Variants in SERPINB8 observed in about 807,000 individuals in gnomAD.
SERPINB8 encodes the protein serpin family B member 8, also known as serpin B8.
SERPINB8 carries 25 observed loss-of-function variants against 35.3 expected under a neutral mutation model. That is an observed-to-expected ratio of 0.71 (90% CI 0.52 to 0.99). The LOEUF (loss-of-function observed/expected upper bound fraction) is 0.99, where lower values mean the gene tolerates loss of function less well. SERPINB8 is among the 50% of genes least tolerant of loss of function. The probability of loss-of-function intolerance (pLI) is 0.00; values close to 1 mark genes in which losing one functional copy is unlikely to be tolerated. For synonymous variants in SERPINB8, 186 were observed against 160.8 expected, an observed-to-expected ratio of 1.16 and a Z score of -1.19; for missense variants, 484 against 446.5, an observed-to-expected ratio of 1.08 and a Z score of -0.76.
chr18:63,985,870 C>T (rs928401092), intron 6 of SERPINB8, among the ~76,000 whole-genome samples: 2 of 152,132 alleles, frequency 1.3e-5, no homozygotes, highest in African/African-American at 4.8e-5. Flanking sequence ...ACTTGTAAAC[C>T]AGCTCTGGGA....
At chr18:63,991,819 A>T (rs997495400), downstream of SERPINB8, among the ~76,000 whole-genome samples, 7 of 152,200 alleles carry the variant, frequency 4.6e-5, no homozygotes, top group Non-Finnish European at 1.0e-4. Flanking sequence ...GTGCCCTTTA[A>T]CAGGTGAAGA....
intron 1 of SERPINB8, among the ~76,000 whole-genome samples, chr18:64,004,110 A>C (rs1457686008): frequency 1.3e-5 from 2 of 151,870 alleles, no homozygotes; most frequent in South Asian, 2.1e-4. Context: ...TTTAAAGGAA[A>C]AATTTTATGG....
chr18:64,013,346 C>T (rs560754787), intron 7 of SERPINB8, among the ~76,000 whole-genome samples: 14 of 152,160 alleles, frequency 9.2e-5, no homozygotes, highest in Non-Finnish European at 2.1e-4. Flanking sequence ...AACCCAAAAC[C>T]TTCCAGCTAC....
chr18:64,014,478 A>G lies in SERPINB8; in HGVS notation c.*3-4432A>G, dbSNP rs115530110. 2.3e-3 allele frequency among the ~76,000 whole-genome samples: 352 copies of G among 152,246 alleles called. 3 individuals are homozygous for G. Among genetic ancestry groups the G allele is most frequent in the African/African-American group, 8.0e-3 (333 of 41,542 alleles). ...TGGGAGAGAATTCTAGATGGATGAA[A>G]GGGCCCTGGGAATGGCTGGGAACGC... On this transcript the variant is annotated intron_variant, in intron 7 of 7. Transcript: ENST00000636430.
At chr18:64,001,522 C>A (rs1408341323) in intron 1 of SERPINB8, among the ~76,000 whole-genome samples, 1 of 144,152 alleles carries the variant, frequency 6.9e-6, no homozygotes, top group Non-Finnish European at 1.5e-5. Context: ...CAGAGTTCTG[C>A]TCTTGTTGCC....
chr18:63,975,310 T>TATTC (rs1424649226), intron 1 of SERPINB8, among the ~76,000 whole-genome samples: 1 of 152,172 alleles, frequency 6.6e-6, no homozygotes, highest in Non-Finnish European at 1.5e-5. Flanking sequence ...GAAGTCTGAA[T>TATTC]ATTCCTTCCT....
Position 63,987,300 on chromosome 18 carries a change from A to AC in SERPINB8, c.*25dup. On this transcript the variant is annotated 3_prime_UTR_variant, in exon 7 of 7. Coordinates refer to ENST00000397985, the MANE Select transcript of SERPINB8 (RefSeq NM_002640.4). ...GTAAAGAGGAGCAATTGCTGTACAT[A>AC]CCCTCCTTTCCTTCTACCTATCTTG... 1 of 1,584,924 alleles carries AC rather than the reference A, an allele frequency of 6.3e-7. No homozygotes were observed. Among genetic ancestry groups the AC allele is most frequent in the Non-Finnish European group, 8.6e-7 (1 of 1,164,522 alleles).
At position 63,987,093 on chromosome 18, in the gene SERPINB8, G is replaced by A; in HGVS notation, c.940G>A (p.Ala314Thr). 5.0e-6 allele frequency: 8 copies of A among 1,614,182 alleles called. No individual in the cohort carries two copies. Among genetic ancestry groups the A allele is most frequent in the South Asian group, 1.1e-5 (1 of 91,084 alleles). The change falls in exon 7 of 7, where the codon GCC becomes ACC. Residue 314 changes from alanine to threonine, a missense_variant. Transcript: ENST00000397985. The part of the protein sequence containing the change: ...TEKNVPLSKV[A>T]HKCFVEVNEE... ...GAAGAATGTGCCTCTGTCCAAGGTT[G>A]CCCACAAGTGCTTCGTGGAGGTCAA...
intron 1 of SERPINB8, among the ~76,000 whole-genome samples, chr18:63,972,003 T>TG (rs1173109830): frequency 6.6e-6 from 1 of 152,044 alleles, no homozygotes; most frequent in Non-Finnish European, 1.5e-5. Context: ...TTTTTCTTTT[T>TG]TTTTTTGATA....
At chr18:63,984,420 C>T (rs1336919667) in intron 5 of SERPINB8, among the ~76,000 whole-genome samples, 1 of 152,098 alleles carries the variant, frequency 6.6e-6, no homozygotes, top group Non-Finnish European at 1.5e-5. Flanking sequence ...CAAAGTTATA[C>T]AATCCTGAGC....
In SERPINB8 at chr18:63,994,754, A is replaced by G. The variant is rs1217983188; in HGVS notation, c.70+9509A>G. Among the ~76,000 whole-genome samples, 3 of 152,102 alleles carry G rather than the reference A, an allele frequency of 2.0e-5. No homozygotes were observed. The South Asian group carries it at 6.2e-4, about 32-fold the overall frequency. On this transcript the variant is annotated intron_variant, in intron 1 of 1. Coordinates refer to the SERPINB8 transcript ENST00000493661. ...ACCCTGGGGGTCCTCTGGGTCTACAATGAGGGGCTGGGGGAAGCAGAGGAT... is the reference window on the plus strand; with the variant it reads ...ACCCTGGGGGTCCTCTGGGTCTACAGTGAGGGGCTGGGGGAAGCAGAGGAT...
downstream of SERPINB8, among the ~76,000 whole-genome samples, chr18:63,990,510 T>C (rs1863277002): frequency 6.6e-6 from 1 of 152,208 alleles, no homozygotes; most frequent in African/African-American, 2.4e-5. Flanking sequence ...AATCTTTATT[T>C]TGCACACTTT....
Position 63,987,146 on chromosome 18 carries a change from C to T in SERPINB8, c.993C>T (p.Ala331=), listed in dbSNP as rs1285877302. The T allele has an allele frequency of 1.9e-6, 3 of 1,614,162 alleles. No individual in the cohort carries two copies. Among genetic ancestry groups the T allele is most frequent in the Admixed American group, 3.3e-5 (2 of 60,020 alleles). Residue 331 remains alanine, a synonymous_variant, in exon 7 of 7, where the codon GCC becomes GCT. Coordinates refer to ENST00000397985, the MANE Select transcript of SERPINB8 (RefSeq NM_002640.4). ...VNEEGTEAAA[A]TAVVRNSRCS... ...AGGAAGGCACAGAGGCTGCCGCAGC[C>T]ACTGCTGTGGTCAGGAATTCCCGGT...
At chr18:63,994,322 A>T (rs1050646051), downstream of SERPINB8, among the ~76,000 whole-genome samples, 2 of 151,974 alleles carry the variant, frequency 1.3e-5, no homozygotes, top group South Asian at 2.1e-4. Flanking sequence ...ACTCACATAC[A>T]TGCCCCCTCT....
chr18:63,999,895 G>C (rs1362620640), intron 1 of SERPINB8, among the ~76,000 whole-genome samples: 2 of 152,144 alleles, frequency 1.3e-5, no homozygotes, highest in Non-Finnish European at 2.9e-5. Flanking sequence ...GTATGCTCTG[G>C]GTGGTTTTTC....
At chr18:63,986,236 T>A (rs200908577) in intron 6 of SERPINB8, 48 of 1,610,104 alleles carry the variant, frequency 3.0e-5, no homozygotes, top group Non-Finnish European at 2.1e-5. Context: ...CCCTTTTTTC[T>A]TTCTACCTTA....
At chr18:63,980,794 A>G (rs1397272180) in intron 3 of SERPINB8, among the ~76,000 whole-genome samples, 2 of 152,152 alleles carry the variant, frequency 1.3e-5, no homozygotes, top group African/African-American at 4.8e-5. Context: ...TTCCCTCTAT[A>G]TCCTCTTTCT....
At chr18:63,978,640 G>T (rs566177919) in intron 2 of SERPINB8, among the ~76,000 whole-genome samples, 164 bp downstream of exon 2, 80 of 152,322 alleles carry the variant, frequency 5.3e-4, no homozygotes, top group Non-Finnish European at 8.8e-5. Flanking sequence ...AAGGTGAAAT[G>T]TGTTGGACAG....
intron 7 of SERPINB8, among the ~76,000 whole-genome samples, chr18:64,015,856 G>A (rs1022576618): frequency 5.3e-5 from 8 of 152,168 alleles, no homozygotes; most frequent in Admixed American, 2.0e-4. Flanking sequence ...GTCAGAGAAA[G>A]GGGTTTAGGC....
Sources: gnomAD v4.1 joint callset for allele counts (sites outside exome capture counted in the v4.1 genomes callset) on GRCh38, gnomAD v4.1.1 for gene constraint, MANE v1.5 for transcripts, NCBI Gene and HGNC (gene_info 2026-07-23, HGNC 2026-07-21) for gene names.